The following NTNG1 variants were observed in gnomAD, a reference collection of about 807,000 sequenced individuals.
The protein encoded by NTNG1 is netrin G1.
In NTNG1, 16 loss-of-function variants were observed where a neutral mutation model predicts 54.0. The ratio of observed to expected loss-of-function variants is 0.30; its 90% CI spans 0.20 to 0.45. The LOEUF (loss-of-function observed/expected upper bound fraction) is 0.45, where lower values mean the gene tolerates loss of function less well. NTNG1 is among the 20% of genes least tolerant of loss of function. The pLI is 1.00. For missense variants in NTNG1, 530 were observed against 678.7 expected, an observed-to-expected ratio of 0.78 and a Z score of 2.43; for synonymous variants, 255 against 263.1, an observed-to-expected ratio of 0.97 and a Z score of 0.30.
At chr1:107,294,152 T>C (rs1360320963) in intron 2 of NTNG1, among the ~76,000 whole-genome samples, 1 of 152,196 alleles carries the variant, frequency 6.6e-6, no homozygotes, top group Non-Finnish European at 1.5e-5. Flanking sequence ...GGTTCTTCAG[T>C]CGTGGTGTGT....
intron 2 of NTNG1, among the ~76,000 whole-genome samples, chr1:107,160,029 G>A (rs1174979412): frequency 6.6e-6 from 1 of 152,148 alleles, no homozygotes; most frequent in Non-Finnish European, 1.5e-5. Flanking sequence ...TCATATTCTT[G>A]TGGGTGAGGT....
intron 7 of NTNG1, among the ~76,000 whole-genome samples, chr1:107,449,047 A>G (rs501446): frequency 0.96 from 145,872 of 152,170 alleles, 70,226 homozygotes; most frequent in East Asian, 1. Flanking sequence ...GTTTGGAAAC[A>G]TATTGAAAGA....
Position 107,480,941 on chromosome 1 carries a change from C to A in NTNG1, c.*101C>A. ...AGGAAACACACACATACAGACACCC[C>A]CACTCAGACAGTGTACAAACTAAGA... is the stretch of plus-strand genomic sequence containing the variant. On this transcript the variant is annotated 3_prime_UTR_variant, in exon 8 of 8. Coordinates refer to ENST00000370068, the MANE Select transcript of NTNG1 (RefSeq NM_001113226.3). The A allele has an allele frequency of 1.2e-6, 1 of 840,612 alleles. No homozygotes were observed. Among genetic ancestry groups the A allele is most frequent in the Non-Finnish European group, 1.9e-6 (1 of 531,958 alleles). 52.1% of individuals were successfully genotyped at this position (840,612 alleles called of 1,614,324 possible). A position where few individuals can be genotyped will look rare whatever the true frequency, so the allele number is the denominator to read the frequency against.
intron 2 of NTNG1, among the ~76,000 whole-genome samples, chr1:107,242,174 G>A (rs566424954): frequency 1.1e-3 from 170 of 152,210 alleles, no homozygotes; most frequent in African/African-American, 3.8e-3. Context: ...CTTGGAGGAG[G>A]GGGGGTGAGG....
intron 7 of NTNG1, among the ~76,000 whole-genome samples, chr1:107,439,445 T>C (rs80108828): frequency 0.015 from 2,306 of 152,174 alleles, 64 homozygotes; most frequent in African/African-American, 0.052. Context: ...AGAAGATATG[T>C]GATCCATCAT....
At chr1:107,225,777 T>G (rs10785818) in intron 2 of NTNG1, among the ~76,000 whole-genome samples, 111,294 of 152,140 alleles carry the variant, frequency 0.73, 44,820 homozygotes, top group South Asian at 0.92. Context: ...GAATTTGTTT[T>G]TCAAGCCTGT....
At position 107,480,821 on chromosome 1, in the gene NTNG1, C is replaced by G. The variant is rs1179737635; in HGVS notation, c.1601C>G (p.Ala534Gly). 3.2e-6 allele frequency: 5 copies of G among 1,567,018 alleles called. No individual in the cohort carries two copies. In the Admixed American group the frequency reaches 9.4e-5, roughly 29 times the overall value. Reference sequence around the variant, plus strand: ...CTGCTGACCACGCTGCTGGGAACCGCCAGCCCCCTGGTGTTCTAGGTGTCA... The same window carrying G: ...CTGCTGACCACGCTGCTGGGAACCGGCAGCCCCCTGGTGTTCTAGGTGTCA... ...LLLLTTLLGT[A>G]SPLVF Residue 534 changes from alanine (A) to glycine (G), a missense_variant, in exon 8 of 8, where the codon GCC (alanine) becomes GGC (glycine). Physicochemically the swap from Ala to Gly is moderately conservative, Grantham distance 60. Transcript: ENST00000370068.
At position 107,146,629 on chromosome 1, in the gene NTNG1, C is replaced by T. The variant is rs114035207; in HGVS notation, c.-525-1440C>T. On this transcript the variant is annotated intron_variant, in intron 1 of 7. Transcript: ENST00000370068. ...AGTTTATACATATTTAGACAAACTA[C>T]TAATTATTGCTTCATAGGAACTCAA... 6.7e-3 allele frequency among the ~76,000 whole-genome samples: 1,022 copies of T among 152,160 alleles called. 13 individuals are homozygous for T. The highest frequency in any genetic ancestry group is 0.024 in the African/African-American group (984 of 41,554).
intron 2 of NTNG1, among the ~76,000 whole-genome samples, chr1:107,292,786 A>G (rs1266040175): frequency 6.6e-6 from 1 of 152,106 alleles, no homozygotes; most frequent in Non-Finnish European, 1.5e-5. Flanking sequence ...GAATCAAGGG[A>G]AATGGGATGC....
chr1:107,148,753 T>C lies in NTNG1; in HGVS notation c.160T>C (p.Ser54Pro), dbSNP rs762090634. The change falls in exon 2 of 8, where the codon TCC becomes CCC. Residue 54 changes from serine (S) to proline (P), a missense_variant. Ser to Pro is a moderately conservative substitution (Grantham distance 74). This residue lies in a region of NTNG1 where 318 missense variants were observed against 465.1 expected (regional missense o/e 0.68). Coordinates refer to ENST00000370068, the MANE Select transcript of NTNG1 (RefSeq NM_001113226.3). ...GGATTACATGGCCTGCCAGCCGGAATCCACGGACATGACAAAATATCTGAA... is the reference window on the plus strand; with the variant it reads ...GGATTACATGGCCTGCCAGCCGGAACCCACGGACATGACAAAATATCTGAA... ...VWDYMACQPESTDMTKYLKVK... is the reference protein window; with the variant it reads ...VWDYMACQPEPTDMTKYLKVK... 2 of 1,613,794 alleles carry C rather than the reference T, an allele frequency of 1.2e-6. No homozygotes were observed. Among genetic ancestry groups the C allele is most frequent in the Non-Finnish European group, 1.7e-6 (2 of 1,179,744 alleles).
At position 107,481,187 on chromosome 1, in the gene NTNG1, C is replaced by T. The variant is rs183498155; in HGVS notation, c.*347C>T. ...AACCGACCTAAAAACATTGGCTACT[C>T]TAGCGTGGTGCGCCCTAGTACGACT... is the stretch of plus-strand genomic sequence containing the variant. On this transcript the variant is annotated 3_prime_UTR_variant, in exon 8 of 8. Transcript: ENST00000370068. 3.0e-4 allele frequency: 97 copies of T among 321,998 alleles called. No homozygotes were observed. In the East Asian group the frequency reaches 4.9e-3, roughly 16 times the overall value. The allele number at this position is 321,998 out of a possible 1,614,324, so 19.9% of individuals were successfully genotyped here.
At chr1:107,159,064 C>G (rs1015116073) in intron 2 of NTNG1, among the ~76,000 whole-genome samples, 54 of 152,072 alleles carry the variant, frequency 3.6e-4, no homozygotes, top group Admixed American at 2.6e-3. Context: ...ATATTGTGGA[C>G]CGTCTGCATG....
At chr1:107,396,786 G>A (rs1396076446) in intron 4 of NTNG1, among the ~76,000 whole-genome samples, 1 of 152,140 alleles carries the variant, frequency 6.6e-6, no homozygotes, top group Non-Finnish European at 1.5e-5. Context: ...TAGTAGAAAA[G>A]GCTGGAAGAG....
chr1:107,457,578 G>T (rs1414179421), intron 7 of NTNG1, among the ~76,000 whole-genome samples: 2 of 152,004 alleles, frequency 1.3e-5, no homozygotes, highest in African/African-American at 2.4e-5. Flanking sequence ...TAGATTTTTT[G>T]GGGGTGGGAT....
At chr1:107,461,626 C>T (rs967666592) in intron 7 of NTNG1, among the ~76,000 whole-genome samples, 1 of 151,886 alleles carries the variant, frequency 6.6e-6, no homozygotes, top group East Asian at 1.9e-4. Flanking sequence ...CTCTGCCTCC[C>T]GGGTTCAAGC....
chr1:107,172,216 G>A lies in NTNG1; in HGVS notation c.246+23377G>A, dbSNP rs189372469. ...CTGAGACTCAGAGAGCTCAAAGGGT[G>A]TTGTCTATCACGACAAAGCTAATGA... On this transcript the variant is annotated intron_variant, in intron 2 of 7. Coordinates refer to ENST00000370068, the MANE Select transcript of NTNG1 (RefSeq NM_001113226.3). Among the ~76,000 whole-genome samples the A allele has an allele frequency of 1.8e-4, 28 of 152,148 alleles. No individual in the cohort carries two copies. In the East Asian group the frequency reaches 5.0e-3, roughly 27 times the overall value.
At chr1:107,145,455 TA>T (rs1364329478) in intron 1 of NTNG1, among the ~76,000 whole-genome samples, 1 of 151,978 alleles carries the variant, frequency 6.6e-6, no homozygotes, top group African/African-American at 2.4e-5. Flanking sequence ...ATATAAAAAT[TA>T]GAATGAAATC....
intron 2 of NTNG1, among the ~76,000 whole-genome samples, chr1:107,177,622 C>T (rs143555579): frequency 1.4e-3 from 211 of 152,246 alleles, no homozygotes; most frequent in African/African-American, 4.5e-3. Context: ...CGTGAACCAC[C>T]GCTCCCGGCC....
intron 2 of NTNG1, among the ~76,000 whole-genome samples, chr1:107,154,936 T>A (rs1029150136): frequency 6.6e-6 from 1 of 152,112 alleles, no homozygotes; most frequent in African/African-American, 2.4e-5. Flanking sequence ...GCAACATTTT[T>A]AAAGGTGAAA....
Sources: allele counts gnomAD v4.1 joint callset (sites outside exome capture counted in the v4.1 genomes callset), GRCh38; gene constraint gnomAD v4.1.1; regional missense constraint gnomAD v4.1.1; transcripts MANE v1.5; gene names NCBI Gene and HGNC (gene_info 2026-07-23, HGNC 2026-07-21).